The following ZHX2 variants were observed in gnomAD, a reference collection of about 807,000 sequenced individuals.
The protein encoded by ZHX2 is zinc fingers and homeoboxes protein 2.
Under a neutral mutation model 21.9 loss-of-function variants are expected in ZHX2, and 6 were observed. The observed-to-expected ratio is 0.27, with a 90% CI of 0.15 to 0.54. The LOEUF is 0.54. Ranked by LOEUF, ZHX2 falls within the 20% of genes least tolerant of loss-of-function variation. The pLI, the probability that ZHX2 is intolerant of heterozygous loss-of-function variation, is 0.95. For synonymous variants in ZHX2, 434 were observed against 437.1 expected (o/e 0.99, Z 0.09); for missense variants, 908 against 1,090.7 (o/e 0.83, Z 2.36).
chr8:122,794,196 A>G (rs542119082), intron 1 of ZHX2, among the ~76,000 whole-genome samples: 1 of 152,156 alleles, frequency 6.6e-6, no homozygotes, highest in Non-Finnish European at 1.5e-5. Context: ...GTGTGTTGAA[A>G]TAGGAGTGTG....
At chr8:122,817,722 T>A (rs139920578) in intron 1 of ZHX2, among the ~76,000 whole-genome samples, 28 of 152,304 alleles carry the variant, frequency 1.8e-4, no homozygotes, top group African/African-American at 6.7e-4. Context: ...CCCTGACCCA[T>A]CATTGTGCTG....
At chr8:122,960,975 G>A (rs1313679817) in intron 3 of ZHX2, among the ~76,000 whole-genome samples, 1 of 152,204 alleles carries the variant, frequency 6.6e-6, no homozygotes, top group Non-Finnish European at 1.5e-5. Flanking sequence ...GAAAATTCTA[G>A]AGCACCCACA....
rs1216746523 is a variant in ZHX2 at position 122,828,843 on chromosome 8, T to TTTTTA, written c.-282-34613_-282-34609dup. 2.3e-4 allele frequency among the ~76,000 whole-genome samples: 35 copies of TTTTTA among 152,076 alleles called. No individual in the cohort carries two copies. The highest frequency in any genetic ancestry group is 7.9e-4 in the Admixed American group (12 of 15,260). On this transcript the variant is annotated intron_variant, in intron 1 of 3. Transcript: ENST00000314393. This position sits in a 1 kb window ranked among gnomAD's most constrained non-coding sequence, Gnocchi z 5.2. ...TGGGCTCTACCCAGGGTGTTGTAGGTTTTTATTTTATTTTATTTTATTTTA... is the reference window on the plus strand; with the variant it reads ...TGGGCTCTACCCAGGGTGTTGTAGGTTTTTATTTTATTTTATTTTATTTTATTTTA...
chr8:122,806,404 A>G (rs897110894), intron 1 of ZHX2, among the ~76,000 whole-genome samples: 1 of 152,230 alleles, frequency 6.6e-6, no homozygotes, highest in African/African-American at 2.4e-5. Flanking sequence ...CACAAGTTTT[A>G]TAATCCAGAA....
chr8:122,948,578 G>A (rs1027758270), intron 2 of ZHX2, among the ~76,000 whole-genome samples: 7 of 152,122 alleles, frequency 4.6e-5, no homozygotes, highest in African/African-American at 7.2e-5. Flanking sequence ...ATATAAAAAT[G>A]TACTCTAAAC....
At chr8:122,833,569 G>C (rs1267501144) in intron 1 of ZHX2, among the ~76,000 whole-genome samples, 4 of 152,168 alleles carry the variant, frequency 2.6e-5, no homozygotes, top group Non-Finnish European at 5.9e-5. Flanking sequence ...AGGAGTAGAA[G>C]AAAGTTAGAT....
rs144283135 is a variant in ZHX2 at position 122,863,262 on chromosome 8, CT to C, written c.-282-200del. ...CTGCTGACTCATCCAGGGCTAGGGTCTTTTTTTTTTTTTTTCTTTTTTTCTT... is the reference window on the plus strand; with the variant it reads ...CTGCTGACTCATCCAGGGCTAGGGTCTTTTTTTTTTTTTTCTTTTTTTCTT... On this transcript the variant is annotated intron_variant, in intron 1 of 3. Coordinates refer to ENST00000314393, the MANE Select transcript of ZHX2 (RefSeq NM_014943.5). 664 of 138,130 alleles carry C rather than the reference CT, an allele frequency of 4.8e-3. 2 individuals carry two copies. The highest frequency in any genetic ancestry group is 0.012 in the African/African-American group (450 of 37,302). The allele number at this position is 138,130 out of a possible 1,614,324, so 8.6% of individuals were successfully genotyped here.
intron 1 of ZHX2, among the ~76,000 whole-genome samples, chr8:122,851,054 A>G (rs1167411741): frequency 6.6e-6 from 1 of 152,138 alleles, no homozygotes; most frequent in Non-Finnish European, 1.5e-5. Context: ...TCACTGCACT[A>G]GCTGCTCACA....
chr8:122,909,610 C>T (rs533786171), intron 2 of ZHX2, among the ~76,000 whole-genome samples: 3 of 152,102 alleles, frequency 2.0e-5, no homozygotes, highest in African/African-American at 7.2e-5. Flanking sequence ...TCCTCTCCCC[C>T]CCACAACCTG....
At chr8:122,942,984 A>AG (rs1812882634) in intron 2 of ZHX2, among the ~76,000 whole-genome samples, 1 of 152,138 alleles carries the variant, frequency 6.6e-6, no homozygotes, top group Non-Finnish European at 1.5e-5. Flanking sequence ...AGTCATGGCC[A>AG]GGCACGGTGG....
chr8:122,876,722 C>T (rs1275139464), intron 2 of ZHX2, among the ~76,000 whole-genome samples: 1 of 152,208 alleles, frequency 6.6e-6, no homozygotes, highest in Non-Finnish European at 1.5e-5. Flanking sequence ...CCCTGCTCGC[C>T]TGAGGCTGCT....
chr8:122,827,624 A>T (rs1484331713), intron 1 of ZHX2, among the ~76,000 whole-genome samples: 1 of 151,966 alleles, frequency 6.6e-6, no homozygotes, highest in Non-Finnish European at 1.5e-5. Context: ...TTAGGGGAAA[A>T]AAAGAGAATC....
At chr8:122,891,269 ATT>A (rs1491113158) in intron 2 of ZHX2, among the ~76,000 whole-genome samples, 22 of 138,836 alleles carry the variant, frequency 1.6e-4, no homozygotes, top group African/African-American at 3.3e-4. Flanking sequence ...ATCTTGGTAG[ATT>A]GTGTGTGTGT....
rs550754356 is a variant in ZHX2, at chr8:122,956,045, G to A, written c.*4+2017G>A. Among the ~76,000 whole-genome samples the A allele has an allele frequency of 6.9e-4, 105 of 151,884 alleles. 1 individual carries two copies. The highest frequency in any genetic ancestry group is 1.0e-3 in the Non-Finnish European group (69 of 67,968). ...TTTTTAGTAGAGACGGGGTTTTGCC[G>A]TGTTGGCCAGGCTGATCTCAAACTC... On this transcript the variant is annotated intron_variant, in intron 3 of 3. Transcript: ENST00000314393.
At chr8:122,912,090 T>G (rs998660286) in intron 2 of ZHX2, among the ~76,000 whole-genome samples, 6 of 152,220 alleles carry the variant, frequency 3.9e-5, no homozygotes, top group Admixed American at 1.3e-4. Flanking sequence ...CCCACATTTT[T>G]GCAAACTGGG....
intron 1 of ZHX2, among the ~76,000 whole-genome samples, chr8:122,851,362 T>C (rs780648432): frequency 6.6e-6 from 1 of 152,156 alleles, no homozygotes. Flanking sequence ...AGTCTCTCAA[T>C]GAAAGTTGGC....
At chr8:122,883,034 AC>A (rs1208659715) in intron 2 of ZHX2, among the ~76,000 whole-genome samples, 1 of 151,740 alleles carries the variant, frequency 6.6e-6, no homozygotes, top group Non-Finnish European at 1.5e-5. Context: ...GATTGTAACC[AC>A]CTGAGAGCTT....
chr8:122,834,070 A>C (rs1344614331), intron 1 of ZHX2, among the ~76,000 whole-genome samples: 2 of 151,702 alleles, frequency 1.3e-5, no homozygotes, highest in Non-Finnish European at 2.9e-5. Flanking sequence ...CAGGGTTTGG[A>C]GACTTGTCCC....
At chr8:122,926,744 C>T (rs1034412768) in intron 2 of ZHX2, among the ~76,000 whole-genome samples, 4 of 152,192 alleles carry the variant, frequency 2.6e-5, no homozygotes, top group Non-Finnish European at 4.4e-5. Flanking sequence ...TCTAGGGCTA[C>T]ATTCCCTGCA....
Sources: gnomAD v4.1 joint callset for allele counts (sites outside exome capture counted in the v4.1 genomes callset) on GRCh38, gnomAD v4.1.1 for gene constraint, Gnocchi (gnomAD v3.1) non-coding constraint, MANE v1.5 for transcripts, NCBI Gene and HGNC (gene_info 2026-07-23, HGNC 2026-07-21) for gene names.